RNF2: variants seen among roughly 807,000 people sequenced by gnomAD.
RNF2 encodes the protein ring finger protein 2, also known as E3 ubiquitin-protein ligase RING2.
RNF2 carries 6 observed loss-of-function variants against 37.2 expected under a neutral mutation model. The observed-to-expected ratio is 0.16, with a 90% CI of 0.09 to 0.32. RNF2 has a LOEUF of 0.32. Among genes scored for constraint, RNF2 ranks in the 10% least tolerant of loss-of-function variants. RNF2 has a pLI of 1.00. For synonymous variants in RNF2, 133 were observed against 132.7 expected, an observed-to-expected ratio of 1.00 and a Z score of -0.02; for missense variants, 251 against 404.0, an observed-to-expected ratio of 0.62 and a Z score of 3.25.
chr1:185,092,351 A>C (rs1456758147), intron 3 of RNF2, among the ~76,000 whole-genome samples: 1 of 151,726 alleles, frequency 6.6e-6, no homozygotes, highest in Non-Finnish European at 1.5e-5. Context: ...TAATGTTTGT[A>C]TTTTTAGTAG....
At chr1:185,050,343 C>T (rs1650237508) in intron 1 of RNF2, among the ~76,000 whole-genome samples, 1 of 152,224 alleles carries the variant, frequency 6.6e-6, no homozygotes, top group African/African-American at 2.4e-5. Context: ...ACCAACTTGC[C>T]TCTTCTCTGC....
chr1:185,071,848 C>T (rs1245649398), intron 1 of RNF2: 1 of 152,692 alleles, frequency 6.5e-6, no homozygotes, highest in Non-Finnish European at 1.5e-5. Flanking sequence ...GGTCTGGTTT[C>T]TTGATATGCC....
intron 1 of RNF2, among the ~76,000 whole-genome samples, chr1:185,057,890 T>A (rs1650481933): frequency 6.6e-6 from 1 of 151,908 alleles, no homozygotes. Flanking sequence ...ATCCCAGCAC[T>A]TAGATGGATG....
intron 1 of RNF2, among the ~76,000 whole-genome samples, chr1:185,058,616 C>T (rs943515351): frequency 6.6e-6 from 1 of 152,120 alleles, no homozygotes; most frequent in South Asian, 2.1e-4. Context: ...ATGAGTTTTG[C>T]TTTTGAGAGA....
At chr1:185,072,198 GC>G (rs1370611318) in intron 1 of RNF2, among the ~76,000 whole-genome samples, 1 of 152,136 alleles carries the variant, frequency 6.6e-6, no homozygotes, top group Non-Finnish European at 1.5e-5. Context: ...CACAGTTGAA[GC>G]AATAAACCAA....
At chr1:185,050,012 A>G (rs1650229585) in intron 1 of RNF2, among the ~76,000 whole-genome samples, 2 of 152,208 alleles carry the variant, frequency 1.3e-5, no homozygotes, top group African/African-American at 2.4e-5. Context: ...GATGAAATAT[A>G]GTTGCAGTCT....
intron 1 of RNF2, among the ~76,000 whole-genome samples, chr1:185,082,345 C>CCTTTT (rs1651442966): frequency 2.8e-5 from 2 of 72,000 alleles, no homozygotes; most frequent in African/African-American, 8.7e-5. Context: ...CTCTGCAGAA[C>CCTTTT]TTTTTTTTTT....
rs111301848 is a variant in RNF2 at position 185,057,805 on chromosome 1, GAA to G, written c.-3+12169_-3+12170del. ...GCAGGTGGAAAATTACTCTAAAGGG[GAA>G]AAAAAAAAAAAACAGTAAAACAGTT... On this transcript the variant is annotated intron_variant, in intron 1 of 6. Coordinates refer to ENST00000367510, the MANE Select transcript of RNF2 (RefSeq NM_007212.4). 6.4e-3 allele frequency among the ~76,000 whole-genome samples: 869 copies of G among 136,558 alleles called. 32 individuals are homozygous for G. The East Asian group carries it at 0.091, about 14-fold the overall frequency. The allele number at this position is 136,558 out of a possible 152,430, so 89.6% of individuals were successfully genotyped here. A position where few individuals can be genotyped will look rare whatever the true frequency, so the allele number is the denominator to read the frequency against.
At chr1:185,058,123 C>T (rs1352587213) in intron 1 of RNF2, among the ~76,000 whole-genome samples, 1 of 152,122 alleles carries the variant, frequency 6.6e-6, no homozygotes, top group Non-Finnish European at 1.5e-5. Context: ...GATACCCCAT[C>T]TCAGATAATA....
At position 185,098,300 on chromosome 1, in the gene RNF2, G is replaced by T. The variant is rs765658055; in HGVS notation, c.693G>T (p.Arg231Ser). The T allele has an allele frequency of 9.9e-6, 16 of 1,614,080 alleles. No individual in the cohort carries two copies. The highest frequency in any genetic ancestry group is 8.5e-6 in the Non-Finnish European group (10 of 1,180,032). ...CTAGTGAAATTGAATTAGTATTCAG[G>T]CCTCATCCCACACTTATGGAAAAAG... ...DGASEIELVF[R>S]PHPTLMEKDD... The change falls in exon 5 of 7, where the codon AGG becomes AGT. Residue 231 changes from arginine (R) to serine (S), a missense_variant. Arg to Ser is a moderately radical substitution (Grantham distance 110). Coordinates refer to ENST00000367510, the MANE Select transcript of RNF2 (RefSeq NM_007212.4).
At chr1:185,053,340 CT>C (rs796310068) in intron 1 of RNF2, among the ~76,000 whole-genome samples, 116 of 143,612 alleles carry the variant, frequency 8.1e-4, no homozygotes, top group Middle Eastern at 3.6e-3. Flanking sequence ...TTTTCTTTTT[CT>C]TTTTTTTTTT....
intron 1 of RNF2, among the ~76,000 whole-genome samples, chr1:185,051,528 T>A (rs537456764): frequency 6.6e-6 from 1 of 152,170 alleles, no homozygotes; most frequent in Non-Finnish European, 1.5e-5. Context: ...AAGGGGTGTA[T>A]GTGAAGAAAA....
At chr1:185,086,228 GTTGT>G (rs1247782363) in intron 1 of RNF2, among the ~76,000 whole-genome samples, 1 of 151,986 alleles carries the variant, frequency 6.6e-6, no homozygotes, top group Non-Finnish European at 1.5e-5. Context: ...CTTATCGATT[GTTGT>G]TTATCTATTT....
intron 1 of RNF2, among the ~76,000 whole-genome samples, chr1:185,084,536 G>T (rs1651525084): frequency 6.6e-6 from 1 of 152,198 alleles, no homozygotes; most frequent in South Asian, 2.1e-4. Flanking sequence ...ATCTTCTAGG[G>T]ATGCTGTTTT....
chr1:185,069,670 T>C (rs1018476972), intron 1 of RNF2, among the ~76,000 whole-genome samples: 1 of 152,160 alleles, frequency 6.6e-6, no homozygotes, highest in Non-Finnish European at 1.5e-5. Flanking sequence ...TAGCCTATAA[T>C]ATCTTAATCC....
At chr1:185,097,673 A>G (rs773590124) in intron 4 of RNF2, among the ~76,000 whole-genome samples, 1 of 152,202 alleles carries the variant, frequency 6.6e-6, no homozygotes, top group Non-Finnish European at 1.5e-5. Context: ...AGCTGAGATG[A>G]TAGGTGCACC....
rs868011807 is a variant in RNF2 at position 185,051,643 on chromosome 1, T to A, written c.-3+5994T>A. Among the ~76,000 whole-genome samples, 9 of 151,884 alleles carry A rather than the reference T, an allele frequency of 5.9e-5. No individual in the cohort carries two copies. In the South Asian group the frequency reaches 1.9e-3, roughly 32 times the overall value. On this transcript the variant is annotated intron_variant, in intron 1 of 6. Coordinates refer to ENST00000367510, the MANE Select transcript of RNF2 (RefSeq NM_007212.4). ...ATATTTAAAAAAGTGTTTAGGGTGG[T>A]AATGGGGTGTGGGAGGAGTTGTGGA...
Position 185,093,208 on chromosome 1 carries a change from C to T in RNF2, c.396C>T (p.Asn132=). The change falls in exon 4 of 7, where the codon AAC becomes AAT. Residue 132 remains asparagine (N), a synonymous_variant. Transcript: ENST00000367510. ...AAGAGAGAGTATTAGCCAGGATCAACAAGCACAATAATCAGCAAGCACTCA... is the reference window on the plus strand; with the variant it reads ...AAGAGAGAGTATTAGCCAGGATCAATAAGCACAATAATCAGCAAGCACTCA... ...AHQERVLARI[N]KHNNQQALSH... is the part of the protein sequence containing the mutation. 1 of 1,614,014 alleles carries T rather than the reference C, an allele frequency of 6.2e-7. No individual in the cohort carries two copies. The highest frequency in any genetic ancestry group is 8.5e-7 in the Non-Finnish European group (1 of 1,179,974).
At chr1:185,091,524 C>A in intron 2 of RNF2, 55 bp from the exon 3 acceptor site, 1 of 1,544,638 alleles carries the variant, frequency 6.5e-7, no homozygotes, top group South Asian at 1.2e-5. Flanking sequence ...TATGTTTGAG[C>A]TTGTCCATAA....
Sources: gnomAD v4.1 joint callset for allele counts (sites outside exome capture counted in the v4.1 genomes callset) on GRCh38, gnomAD v4.1.1 for gene constraint, MANE v1.5 for transcripts, NCBI Gene and HGNC (gene_info 2026-07-23, HGNC 2026-07-21) for gene names.